ENDOG: variants seen among roughly 807,000 people sequenced by gnomAD.
The protein encoded by ENDOG is endonuclease G.
ENDOG carries 22 observed loss-of-function variants against 22.6 expected under a neutral mutation model. The ratio of observed to expected loss-of-function variants is 0.97; its 90% confidence interval spans 0.70 to 1.39. The LOEUF (loss-of-function observed/expected upper bound fraction) is 1.39. Ranked by LOEUF, ENDOG falls within the 40% of genes most tolerant of loss-of-function variation. The pLI is 0.00. For synonymous variants in ENDOG, 173 were observed against 200.2 expected (o/e 0.86, Z 1.15); for missense variants, 403 against 431.3 (o/e 0.93, Z 0.58).
intron 1 of ENDOG, among the ~76,000 whole-genome samples, chr9:128,819,474 A>C (rs925057605): frequency 6.6e-6 from 1 of 152,180 alleles, no homozygotes; most frequent in Non-Finnish European, 1.5e-5. Flanking sequence ...TGCGGTAGTG[A>C]TGAGGCGCTG....
At chr9:128,819,220 G>C in intron 1 of ENDOG, 35 bp downstream of exon 1, 1 of 1,429,124 alleles carries the variant, frequency 7.0e-7, no homozygotes, top group Non-Finnish European at 9.1e-7. Flanking sequence ...CGCGGAATGC[G>C]GGGCCGGCGC....
At position 128,820,867 on chromosome 9, in the gene ENDOG, G is replaced by A. The variant is rs765941137; in HGVS notation, c.611+19G>A. ...TGCCCAGGTAAGGTGGAAACCAGGG[G>A]GGCGGCAGAACCTCCCACTCACCTG... On this transcript the variant is annotated intron_variant, in intron 2 of 2. Coordinates refer to ENST00000372642, the MANE Select transcript of ENDOG (RefSeq NM_004435.2). The A allele has an allele frequency of 3.1e-6, 5 of 1,589,436 alleles. No homozygotes were observed. Among genetic ancestry groups the A allele is most frequent in the Non-Finnish European group, 4.3e-6 (5 of 1,166,148 alleles).
chr9:128,819,525 CAGA>C (rs560191049), intron 1 of ENDOG: 50 of 288,236 alleles, frequency 1.7e-4, no homozygotes, highest in East Asian at 1.1e-3. Context: ...TGTCACACAG[CAGA>C]AGAAGGCTGT....
At chr9:128,819,240 CGG>C (rs1830056854) in intron 1 of ENDOG, 55 bp downstream of exon 1, 2 of 1,405,510 alleles carry the variant, frequency 1.4e-6, no homozygotes, top group South Asian at 3.1e-5. Context: ...CCTGGCCTCG[CGG>C]GGCCTCGGTT....
intron 2 of ENDOG, 35 bp downstream of exon 2, chr9:128,820,883 C>A (rs777801827): frequency 1.3e-6 from 2 of 1,563,382 alleles, no homozygotes; most frequent in Non-Finnish European, 1.7e-6. Context: ...CAGAACCTCC[C>A]ACTCACCTGA....
At chr9:128,822,265 TG>T in intron 2 of ENDOG, 62 bp from the exon 3 acceptor site, 2 of 1,570,410 alleles carry the variant, frequency 1.3e-6, no homozygotes, top group Non-Finnish European at 1.7e-6. Context: ...GAAGGCTGCC[TG>T]GAAGAGGTGG....
chr9:128,819,434 TG>T (rs1324181425), intron 1 of ENDOG, among the ~76,000 whole-genome samples: 39 of 152,186 alleles, frequency 2.6e-4, no homozygotes, highest in African/African-American at 8.9e-4. Flanking sequence ...GTCAAAAAAA[TG>T]GGGATAATAC....
At chr9:128,822,093 G>A (rs1220493152) in intron 2 of ENDOG, 7 of 576,064 alleles carry the variant, frequency 1.2e-5, no homozygotes, top group South Asian at 4.2e-5. Flanking sequence ...GTTTATTGTC[G>A]CCCACTCTGC....
chr9:128,818,818 TGGC>T lies in ENDOG; in HGVS notation c.141_143del (p.Ala49del), dbSNP rs1830048219. The T allele has an allele frequency of 7.7e-7, 1 of 1,291,350 alleles. No individual in the cohort carries two copies. Among genetic ancestry groups the T allele is most frequent in the Non-Finnish European group, 9.8e-7 (1 of 1,021,184 alleles). 80.0% of individuals were successfully genotyped at this position (1,291,350 alleles called of 1,614,324 possible). The stretch of plus-strand genomic sequence containing the variant: ...CTGGGCCGGCTGCCCGTGCTGCCCG[TGGC>T]GGCGGCAGCCGAGTTGCCCCCTGTG... On this transcript the variant is annotated inframe_deletion, in exon 1 of 3. Transcript: ENST00000372642.
intron 2 of ENDOG, 70 bp downstream of exon 2, chr9:128,820,918 C>A: frequency 7.1e-7 from 1 of 1,400,840 alleles, no homozygotes; most frequent in South Asian, 1.2e-5. Flanking sequence ...CTCACAGGGC[C>A]AGGCTTGCCC....
chr9:128,822,058 C>G, intron 2 of ENDOG: 1 of 511,334 alleles, frequency 2.0e-6, no homozygotes, highest in Non-Finnish European at 3.5e-6. Flanking sequence ...TGTGAATATT[C>G]AGAAGGCTCG....
At position 128,822,597 on chromosome 9, in the gene ENDOG, C is replaced by T. The variant is rs779416052; in HGVS notation, c.881C>T (p.Ala294Val). The T allele has an allele frequency of 2.2e-5, 34 of 1,569,114 alleles. No homozygotes were observed. In the South Asian group the frequency reaches 2.2e-4, roughly 10 times the overall value. Residue 294 changes from alanine to valine, a missense_variant, in exon 3 of 3, where the codon GCG (alanine) becomes GTG (valine). Transcript: ENST00000372642. ...ARAGSLKAITAGSK is the reference protein window; with the variant it reads ...ARAGSLKAITVGSK ...GCAGGCAGCCTCAAGGCCATCACGGCGGGCAGTAAGTGAGGGTGGAGCCCA... is the reference window on the plus strand; with the variant it reads ...GCAGGCAGCCTCAAGGCCATCACGGTGGGCAGTAAGTGAGGGTGGAGCCCA...
At position 128,822,633 on chromosome 9, in the gene ENDOG, G is replaced by C; in HGVS notation, c.*23G>C. On this transcript the variant is annotated 3_prime_UTR_variant, in exon 3 of 3. Transcript: ENST00000372642. Reference sequence around the variant, plus strand: ...TGAGGGTGGAGCCCAGTGAGACTGTGGGTGTGTGCAGGCCGGGGAGTATTA... The same window carrying C: ...TGAGGGTGGAGCCCAGTGAGACTGTCGGTGTGTGCAGGCCGGGGAGTATTA... The C allele has an allele frequency of 6.4e-7, 1 of 1,562,150 alleles. No individual in the cohort carries two copies.
intron 1 of ENDOG, 26 bp from the exon 2 acceptor site, chr9:128,820,713 C>A (rs1393775908): frequency 6.3e-7 from 1 of 1,584,900 alleles, no homozygotes. Context: ...AGCCACAGTC[C>A]TGCTAAGCCC....
intron 2 of ENDOG, 33 bp downstream of exon 2, chr9:128,820,881 C>G (rs758275298): frequency 6.4e-7 from 1 of 1,564,380 alleles, no homozygotes; most frequent in South Asian, 1.2e-5. Context: ...GGCAGAACCT[C>G]CCACTCACCT....
intron 2 of ENDOG, chr9:128,821,202 A>C: frequency 3.3e-6 from 1 of 303,476 alleles, no homozygotes; most frequent in Non-Finnish European, 6.4e-6. Flanking sequence ...TTCCCCCCGC[A>C]GGTCTGCAGT....
chr9:128,818,990 G>A lies in ENDOG; in HGVS notation c.306G>A (p.Glu102=). 6.7e-7 allele frequency: 1 copy of A among 1,486,666 alleles called. No homozygotes were observed. Among genetic ancestry groups the A allele is most frequent in the Non-Finnish European group, 8.9e-7 (1 of 1,126,136 alleles). The allele number at this position is 1,486,666 out of a possible 1,614,324, so 92.1% of individuals were successfully genotyped here. A position where few individuals can be genotyped will look rare whatever the true frequency, so the allele number is the denominator to read the frequency against. ...GGGTGGTGGAGCAGCTGCGACCCGA[G>A]CGTCTCCGCGGCGACGGCGACCGGC... is the stretch of plus-strand genomic sequence containing the variant. ...ALWVVEQLRP[E]RLRGDGDRRE... The change falls in exon 1 of 3, where the codon GAG becomes GAA. Residue 102 remains glutamate, a synonymous_variant. Coordinates refer to ENST00000372642, the MANE Select transcript of ENDOG (RefSeq NM_004435.2).
chr9:128,822,302 C>T lies in ENDOG; in HGVS notation c.612-26C>T, dbSNP rs200239746. 5.0e-6 allele frequency: 8 copies of T among 1,605,046 alleles called. No individual in the cohort carries two copies. In the Admixed American group the frequency reaches 1.3e-4, roughly 27 times the overall value. The stretch of plus-strand genomic sequence containing the variant: ...CTTTGGGTTCATCCAGGCCCCCTGC[C>T]CACGTGTGCCTGGGTCTGCCCACAG... On this transcript the variant is annotated intron_variant, in intron 2 of 2. Transcript: ENST00000372642.
At position 128,822,566 on chromosome 9, in the gene ENDOG, G is replaced by A. The variant is rs1328554292; in HGVS notation, c.850G>A (p.Ala284Thr). Residue 284 changes from alanine to threonine, a missense_variant, in exon 3 of 3, where the codon GCG becomes ACG. Coordinates refer to ENST00000372642, the MANE Select transcript of ENDOG (RefSeq NM_004435.2). ...GCTGCTCTTTGTGCCAAACATCCTG[G>A]CGCGGGCAGGCAGCCTCAAGGCCAT... Reference protein sequence around the residue: ...SGLLFVPNILARAGSLKAITA... With the variant: ...SGLLFVPNILTRAGSLKAITA... 6.4e-7 allele frequency: 1 copy of A among 1,565,144 alleles called. No individual in the cohort carries two copies. Among genetic ancestry groups the A allele is most frequent in the Non-Finnish European group, 8.7e-7 (1 of 1,154,578 alleles).
Sources: gnomAD v4.1 joint callset for allele counts (sites outside exome capture counted in the v4.1 genomes callset) on GRCh38, gnomAD v4.1.1 for gene constraint, MANE v1.5 for transcripts, NCBI Gene and HGNC (gene_info 2026-07-23, HGNC 2026-07-21) for gene names.